Variants in RELN observed in about 807,000 individuals in gnomAD.
The protein encoded by RELN is reelin.
In RELN, 108 loss-of-function variants were observed where a neutral mutation model predicts 427.6. The observed-to-expected ratio is 0.25, with a 90% CI of 0.22 to 0.30. RELN has a LOEUF of 0.30. Ranked by LOEUF, RELN falls within the 10% of genes least tolerant of loss-of-function variation. The pLI is 1.00. For synonymous variants in RELN, 1,524 were observed against 1,513.4 expected, an observed-to-expected ratio of 1.01 and a Z score of -0.16; for missense variants, 3,715 against 4,302.8, an observed-to-expected ratio of 0.86 and a Z score of 3.82.
At position 103,553,454 on chromosome 7, in the gene RELN, C is replaced by A. The variant is rs777197865; in HGVS notation, c.6072+7G>T. 106 of 1,600,356 alleles carry A rather than the reference C, an allele frequency of 6.6e-5. No individual in the cohort carries two copies. Among genetic ancestry groups the A allele is most frequent in the Non-Finnish European group, 8.2e-5 (96 of 1,167,740 alleles). ...TAAAGCATTTATTATAGAACAAAGT[C>A]AAGTACCTCAAATTGTATGATGGTG... On this transcript the variant is annotated splice_region_variant and intron_variant, in intron 40 of 64. Coordinates refer to ENST00000428762, the MANE Select transcript of RELN (RefSeq NM_005045.4).
rs113560721 is a variant in RELN at position 103,833,856 on chromosome 7, G to T, written c.338-184C>A. 0.011 allele frequency among the ~76,000 whole-genome samples: 1,612 copies of T among 152,222 alleles called. 31 individuals are homozygous for T. The highest frequency in any genetic ancestry group is 0.036 in the African/African-American group (1,498 of 41,520). ...GGAAATTAATCACTTAAAATATTAT[G>T]GTTAAAGGAGTGACCTGCTGGAATC... On this transcript the variant is annotated intron_variant, in intron 2 of 64. Coordinates refer to ENST00000428762, the MANE Select transcript of RELN (RefSeq NM_005045.4).
intron 45 of RELN, among the ~76,000 whole-genome samples, chr7:103,537,884 C>A (rs1830089902): frequency 6.6e-6 from 1 of 152,218 alleles, no homozygotes; most frequent in Admixed American, 6.5e-5. Context: ...TAAGACTTAG[C>A]TCCTTTGTGA....
Position 103,640,562 on chromosome 7 carries a change from A to C in RELN, c.2050T>G (p.Cys684Gly). The C allele has an allele frequency of 1.2e-6, 2 of 1,613,922 alleles. No individual in the cohort carries two copies. Among genetic ancestry groups the C allele is most frequent in the Non-Finnish European group, 1.7e-6 (2 of 1,179,872 alleles). ...CLKFCSGRGQ[C>G]TRHGCKCDPG... ...GCTTACTTGCAACCATGTCTAGTGC[A>C]CTGTCCTCTGCCAGAACAGAATTTG... Residue 684 changes from cysteine to glycine, a missense_variant, in exon 17 of 65, where the codon TGC becomes GGC. Around this residue, in one of 4 missense-constraint regions of RELN, gnomAD observed 2,208 missense variants for 2,361.7 expected, o/e 0.93. Coordinates refer to ENST00000428762, the MANE Select transcript of RELN (RefSeq NM_005045.4). The surrounding 1 kb of genome is among the most constrained non-coding windows in gnomAD (Gnocchi z 4.1).
chr7:103,701,197 A>G (rs1267853619), intron 8 of RELN, among the ~76,000 whole-genome samples, 191 bp from the exon 9 acceptor site: 3 of 152,178 alleles, frequency 2.0e-5, no homozygotes, highest in African/African-American at 7.2e-5. Flanking sequence ...AATCTTAGGA[A>G]CCAGAAAAAA....
intron 17 of RELN, among the ~76,000 whole-genome samples, chr7:103,639,926 T>C (rs912604865): frequency 6.6e-6 from 1 of 152,196 alleles, no homozygotes. Flanking sequence ...AATGTGAATA[T>C]CCATTTTTTG....
At chr7:103,825,711 A>G (rs1205492187) in intron 3 of RELN, among the ~76,000 whole-genome samples, 1 of 152,144 alleles carries the variant, frequency 6.6e-6, no homozygotes, top group African/African-American at 2.4e-5. Flanking sequence ...CTGTTCAATA[A>G]AATAGTCATT....
chr7:103,799,978 G>C (rs1306315497), intron 3 of RELN, among the ~76,000 whole-genome samples: 1 of 152,132 alleles, frequency 6.6e-6, no homozygotes, highest in African/African-American at 2.4e-5. Flanking sequence ...GGTACTGACG[G>C]AACATATCTT....
Position 103,728,152 on chromosome 7 carries a change from TG to T in RELN, c.711del (p.Asn238MetfsTer14). On this transcript the variant is annotated frameshift_variant, in exon 7 of 65. Transcript: ENST00000428762. LOFTEE classifies it high-confidence loss of function. Reference protein sequence around the residue: ...TGEQCGAIMHGNAVTFCEPYG... With the variant: ...TGEQCGAIMHXNAVTFCEPYG... ...TATGGTTCACAGAAGGTGACGGCAT[TG>T]CCATGCATAATCGCGCCACACTGTT... 2 of 1,613,880 alleles carry T rather than the reference TG, an allele frequency of 1.2e-6. No homozygotes were observed. Among genetic ancestry groups the T allele is most frequent in the Non-Finnish European group, 1.7e-6 (2 of 1,179,894 alleles).
At chr7:103,661,761 T>C (rs1315579915) in intron 11 of RELN, among the ~76,000 whole-genome samples, 2 of 152,228 alleles carry the variant, frequency 1.3e-5, no homozygotes, top group Non-Finnish European at 2.9e-5. Context: ...GAGGGATGAA[T>C]TTAATCAATC....
intron 19 of RELN, among the ~76,000 whole-genome samples, chr7:103,630,858 T>G (rs56088910): frequency 0.13 from 11,056 of 85,102 alleles, 518 homozygotes; most frequent in South Asian, 0.21. Flanking sequence ...TTTGTTTTTT[T>G]TGTTTTTTTT....
chr7:103,751,752 T>C (rs1184637888), intron 5 of RELN, among the ~76,000 whole-genome samples: 1 of 152,220 alleles, frequency 6.6e-6, no homozygotes, highest in African/African-American at 2.4e-5. Flanking sequence ...CCCCAAGCTG[T>C]AGCATTACAT....
chr7:103,557,608 G>A (rs569567882), intron 37 of RELN, among the ~76,000 whole-genome samples: 1 of 152,048 alleles, frequency 6.6e-6, no homozygotes, highest in African/African-American at 2.4e-5. Context: ...GCTTTTTTTG[G>A]ATTCACATCT....
chr7:103,799,393 G>A (rs1344419159), intron 3 of RELN, among the ~76,000 whole-genome samples: 1 of 152,114 alleles, frequency 6.6e-6, no homozygotes. Flanking sequence ...TGCCCCTGTG[G>A]GAAGAGAGCA....
At chr7:103,790,240 G>T (rs1434716211) in intron 3 of RELN, among the ~76,000 whole-genome samples, 1 of 152,044 alleles carries the variant, frequency 6.6e-6, no homozygotes, top group African/African-American at 2.4e-5. Flanking sequence ...TGTAGATGAT[G>T]GGTTGACGAG....
At chr7:103,839,302 G>GTTTTTTT (rs1793492405) in intron 2 of RELN, among the ~76,000 whole-genome samples, 1 of 75,046 alleles carries the variant, frequency 1.3e-5, no homozygotes, top group African/African-American at 4.9e-5. Flanking sequence ...AGTGGTCTTT[G>GTTTTTTT]CTTTTTTTTT....
At chr7:103,729,334 G>T (rs980102426) in intron 6 of RELN, among the ~76,000 whole-genome samples, 1 of 152,098 alleles carries the variant, frequency 6.6e-6, no homozygotes, top group Non-Finnish European at 1.5e-5. Context: ...ATCCAAATAG[G>T]AAGAAGACAA....
At chr7:103,856,849 C>T (rs1001606629) in intron 2 of RELN, among the ~76,000 whole-genome samples, 6 of 151,884 alleles carry the variant, frequency 4.0e-5, no homozygotes, top group African/African-American at 1.5e-4. Flanking sequence ...ATATATTTGT[C>T]GATTTATGTA....
intron 2 of RELN, among the ~76,000 whole-genome samples, chr7:103,880,794 G>A (rs2116559097): frequency 6.6e-6 from 1 of 152,228 alleles, no homozygotes. Context: ...CTGGGCTCAA[G>A]CAATCCTACC....
chr7:103,887,502 T>C (rs921785701), intron 2 of RELN, among the ~76,000 whole-genome samples: 1 of 152,040 alleles, frequency 6.6e-6, no homozygotes, highest in Non-Finnish European at 1.5e-5. Context: ...ATAAGGGACA[T>C]CCAAAGTGCA....
Sources: gnomAD v4.1 joint callset for allele counts (sites outside exome capture counted in the v4.1 genomes callset) on GRCh38, gnomAD v4.1.1 for gene constraint, gnomAD v4.1.1 regional missense constraint, Gnocchi (gnomAD v3.1) non-coding constraint, MANE v1.5 for transcripts, NCBI Gene and HGNC (gene_info 2026-07-23, HGNC 2026-07-21) for gene names.